TRPM5: variants seen among roughly 807,000 people sequenced by gnomAD.
The protein encoded by TRPM5 is transient receptor potential cation channel subfamily M member 5.
In TRPM5, 121 loss-of-function variants were observed where a neutral mutation model predicts 124.9. The ratio of observed to expected loss-of-function variants is 0.97; its 90% CI spans 0.84 to 1.13. TRPM5 has a LOEUF of 1.13. TRPM5 is among the 50% of genes most tolerant of loss of function. TRPM5 has a pLI of 0.00. For missense variants in TRPM5, 1,643 were observed against 1,589.1 expected (o/e 1.03, Z -0.58); for synonymous variants, 781 against 700.5 (o/e 1.11, Z -1.81).
chr11:2,419,835 C>A (rs559318034), intron 4 of TRPM5, among the ~76,000 whole-genome samples: 1 of 152,224 alleles, frequency 6.6e-6, no homozygotes. Flanking sequence ...TGCCCTCTGG[C>A]GGCAGCATAC....
At chr11:2,414,688 G>GCCCGGC (rs2133518834) in intron 11 of TRPM5, 27 bp downstream of exon 16, 2 of 1,521,472 alleles carry the variant, frequency 1.3e-6, no homozygotes, top group South Asian at 1.2e-5. Context: ...CCGCGCGCGG[G>GCCCGGC]CCCGGCCCCA....
chr11:2,434,146 G>A, the TRPM5 span, among the ~76,000 whole-genome samples: 1 of 151,110 alleles, frequency 6.6e-6, no homozygotes, highest in South Asian at 2.1e-4. Context: ...TGTGTGTGGA[G>A]GCTGTGTGTG....
upstream of TRPM5, among the ~76,000 whole-genome samples, chr11:2,423,896 C>A (rs1330995461): frequency 6.6e-6 from 1 of 152,218 alleles, no homozygotes; most frequent in Non-Finnish European, 1.5e-5. Context: ...GCCTGGCTGA[C>A]CTCGGTCTGG....
the TRPM5 span, among the ~76,000 whole-genome samples, chr11:2,430,687 T>C: frequency 2.0e-5 from 3 of 151,556 alleles, no homozygotes; most frequent in African/African-American, 4.8e-5. Context: ...GTTTTGGTGG[T>C]GGTGATGGAG....
At chr11:2,406,831 TGTGGGCGTCA>T (rs1850332696) in intron 20 of TRPM5, 38 bp from the exon 26 acceptor site, 1 of 1,591,800 alleles carries the variant, frequency 6.3e-7, no homozygotes, top group South Asian at 1.1e-5. Context: ...TACTAGAGCA[TGTGGGCGTCA>T]GTGGCAGAGC....
intron 1 of TRPM5, 46 bp from the exon 7 acceptor site, chr11:2,422,367 G>A: frequency 6.4e-7 from 1 of 1,551,270 alleles, no homozygotes; most frequent in Non-Finnish European, 8.8e-7. Flanking sequence ...CACGGGGCAT[G>A]GGAGCTGCTG....
At chr11:2,425,554 C>T (rs557927045), upstream of TRPM5, among the ~76,000 whole-genome samples, 13 of 152,210 alleles carry the variant, frequency 8.5e-5, no homozygotes, top group Non-Finnish European at 1.3e-4. Flanking sequence ...CCATTAGTGT[C>T]GCCCCATCTG....
rs138315726 is a variant in TRPM5 at position 2,414,170 on chromosome 11, C to T, written c.1781G>A (p.Arg594His). The T allele has an allele frequency of 6.3e-5, 102 of 1,609,794 alleles. No individual in the cohort carries two copies. Among genetic ancestry groups the T allele is most frequent in the East Asian group, 4.9e-4 (22 of 44,800 alleles). ...CCGGCGCACCAGCAGGGCGAAGGCG[C>T]GGGCCTCACTGTTGCTGTAGCACTC... The change falls in exon 12 of 24, where the codon CGC becomes CAC. Residue 594 changes from arginine (R) to histidine (H), a missense_variant. Transcript: ENST00000155858.
At chr11:2,420,929 A>G in intron 3 of TRPM5, 103 bp downstream of exon 8, 1 of 1,297,222 alleles carries the variant, frequency 7.7e-7, no homozygotes, top group African/African-American at 1.5e-5. Flanking sequence ...CTCTTCCTCC[A>G]GCTCGAGTCC....
At chr11:2,414,287 C>A in intron 11 of TRPM5, 81 bp from the exon 17 acceptor site, 1 of 1,509,774 alleles carries the variant, frequency 6.6e-7, no homozygotes, top group Non-Finnish European at 8.9e-7. Context: ...ATCCCCTGCC[C>A]AGACCTGGGC....
intron 4 of TRPM5, among the ~76,000 whole-genome samples, chr11:2,419,288 C>T (rs2014292): frequency 0.45 from 68,819 of 151,716 alleles, 16,207 homozygotes; most frequent in East Asian, 0.66. Context: ...TAGAGTTTGA[C>T]GAGACTTTGT....
At chr11:2,423,025 G>A (rs184201928) in exon 1 of TRPM5, 17 of 1,611,666 alleles carry the variant, frequency 1.1e-5, no homozygotes, top group Non-Finnish European at 1.2e-5. Context: ...GGGGGCCTTG[G>A]ACATCCTGCA....
At position 2,411,455 on chromosome 11, in the gene TRPM5, C is replaced by T. The variant is rs767855754; in HGVS notation, c.2679G>A (p.Ala893=). The T allele has an allele frequency of 6.2e-6, 10 of 1,612,150 alleles. No individual in the cohort carries two copies. The East Asian group carries it at 6.7e-5, about 11-fold the overall frequency. ...GGCGGCCGTCATGGGGGTGCAGCAG[C>T]GCCTGGGTGGTGACACCGTAGGCCA... is the stretch of plus-strand genomic sequence containing the variant. Residue 893 remains alanine (A), a synonymous_variant, in exon 18 of 24, where the codon GCG becomes GCA. Transcript: ENST00000155858.
chr11:2,406,523 C>A lies in TRPM5; in HGVS notation c.3251+138G>T. 3 of 1,216,918 alleles carry A rather than the reference C, an allele frequency of 2.5e-6. No individual in the cohort carries two copies. In the South Asian group the frequency reaches 4.4e-5, roughly 18 times the overall value. 75.4% of individuals were successfully genotyped at this position (1,216,918 alleles called of 1,614,324 possible). A position where few individuals can be genotyped will look rare whatever the true frequency, so the allele number is the denominator to read the frequency against. On this transcript the variant is annotated intron_variant, in intron 21 of 23. Coordinates refer to ENST00000155858, the Ensembl canonical transcript of TRPM5. Reference sequence around the variant, plus strand: ...ACAGGTCAGGCTGGAAAGCTAGGCCCCTGGGCTCGGCCAGAGCCCTGCCCC... The same window carrying A: ...ACAGGTCAGGCTGGAAAGCTAGGCCACTGGGCTCGGCCAGAGCCCTGCCCC...
At chr11:2,422,033 G>A in intron 2 of TRPM5, 108 bp downstream of exon 7, 1 of 1,281,980 alleles carries the variant, frequency 7.8e-7, no homozygotes, top group Admixed American at 2.5e-5. Context: ...CAGGGGGTCT[G>A]GCTGCCCTGT....
At chr11:2,409,281 A>AC (rs1183170827) in intron 18 of TRPM5, among the ~76,000 whole-genome samples, 1 of 150,320 alleles carries the variant, frequency 6.7e-6, no homozygotes, top group Non-Finnish European at 1.5e-5. Flanking sequence ...CAGACTGATG[A>AC]CCCCCTCTCC....
upstream of TRPM5, among the ~76,000 whole-genome samples, chr11:2,424,845 C>G (rs1845824001): frequency 6.6e-6 from 1 of 152,222 alleles, no homozygotes; most frequent in Non-Finnish European, 1.5e-5. Context: ...CCAAGTCAAC[C>G]CCGGCACGAC....
chr11:2,429,510 G>A, the TRPM5 span, among the ~76,000 whole-genome samples: 5 of 151,780 alleles, frequency 3.3e-5, no homozygotes, highest in Non-Finnish European at 7.4e-5. The surrounding 1 kb of genome is among the most constrained non-coding windows in gnomAD (Gnocchi z 8.4). Flanking sequence ...TGGTGATGGT[G>A]TGGTACGATG....
At chr11:2,437,405 TG>T in the TRPM5 span, among the ~76,000 whole-genome samples, 2 of 152,096 alleles carry the variant, frequency 1.3e-5, no homozygotes, top group Non-Finnish European at 2.9e-5. This position sits in a 1 kb window ranked among gnomAD's most constrained non-coding sequence, Gnocchi z 5.6. Context: ...TGCTTCTGGG[TG>T]GGGGGTGCCT....
Sources: allele counts gnomAD v4.1 joint callset (sites outside exome capture counted in the v4.1 genomes callset), GRCh38; gene constraint gnomAD v4.1.1; non-coding constraint Gnocchi (gnomAD v3.1); transcripts MANE v1.5; gene names NCBI Gene and HGNC (gene_info 2026-07-23, HGNC 2026-07-21).